DGKB: variants seen among roughly 807,000 people sequenced by gnomAD.
DGKB encodes 90 kDa diacylglycerol kinase.
A neutral mutation model predicts 114.3 loss-of-function variants in DGKB; 67 were observed. The ratio of observed to expected loss-of-function variants is 0.59; its 90% CI spans 0.48 to 0.72. DGKB has a LOEUF of 0.72. Among genes scored for constraint, DGKB ranks in the 30% least tolerant of loss-of-function variants. DGKB has a pLI of 0.00. For missense variants in DGKB, 907 were observed against 975.2 expected (o/e 0.93, Z 0.93); for synonymous variants, 398 against 323.1 (o/e 1.23, Z -2.49).
At chr7:14,711,557 A>T (rs963548049) in intron 6 of DGKB, among the ~76,000 whole-genome samples, 4 of 152,168 alleles carry the variant, frequency 2.6e-5, no homozygotes, top group Non-Finnish European at 5.9e-5. Flanking sequence ...GCAGAAATAA[A>T]ATATGAGAGG....
chr7:14,954,779 T>C (rs1223616568), intron 1 of DGKB, among the ~76,000 whole-genome samples: 1 of 152,106 alleles, frequency 6.6e-6, no homozygotes, highest in African/African-American at 2.4e-5. Flanking sequence ...AGATACCTAC[T>C]ATATAGCCAA....
At chr7:14,811,243 C>T (rs989655095) in intron 2 of DGKB, among the ~76,000 whole-genome samples, 2 of 152,080 alleles carry the variant, frequency 1.3e-5, no homozygotes, top group Non-Finnish European at 2.9e-5. Flanking sequence ...AGTCTTGCTA[C>T]GTCACCTAGG....
intron 23 of DGKB, among the ~76,000 whole-genome samples, chr7:14,201,258 C>G (rs2108203): frequency 0.31 from 47,561 of 150,990 alleles, 9,694 homozygotes; most frequent in African/African-American, 0.56. Flanking sequence ...TATGATGGCA[C>G]CACCCTCATA....
chr7:14,198,151 A>G (rs1160861340), intron 23 of DGKB, among the ~76,000 whole-genome samples: 1 of 152,150 alleles, frequency 6.6e-6, no homozygotes, highest in Non-Finnish European at 1.5e-5. Context: ...AGTTGTAAGT[A>G]AAAAGGATCT....
chr7:14,718,787 A>T, intron 5 of DGKB, 102 bp from the exon 6 acceptor site: 1 of 900,556 alleles, frequency 1.1e-6, no homozygotes, highest in African/African-American at 1.7e-5. Context: ...ATAGAAATTT[A>T]TATTTTTTAG....
intron 4 of DGKB, 75 bp downstream of exon 4, chr7:14,753,853 T>C (rs1723224): frequency 0.25 from 233,255 of 923,176 alleles, 39,374 homozygotes; most frequent in African/African-American, 0.7. Context: ...TTCAGTGATA[T>C]GGATGAGAAA....
At chr7:14,786,908 G>C (rs1227846442) in intron 2 of DGKB, among the ~76,000 whole-genome samples, 2 of 151,260 alleles carry the variant, frequency 1.3e-5, no homozygotes, top group Non-Finnish European at 2.9e-5. Context: ...CGGGGTGACT[G>C]CCTGTGGAGA....
At chr7:14,769,799 C>A (rs187261859) in intron 2 of DGKB, among the ~76,000 whole-genome samples, 11 of 152,156 alleles carry the variant, frequency 7.2e-5, no homozygotes, top group African/African-American at 2.6e-4. Context: ...CTTTGGCTTG[C>A]AAACTCATCC....
intron 20 of DGKB, among the ~76,000 whole-genome samples, chr7:14,504,944 AC>A (rs1435329689): frequency 1.3e-5 from 2 of 152,180 alleles, no homozygotes; most frequent in African/African-American, 4.8e-5. Context: ...GAACATGCTA[AC>A]ACTTTTCCAA....
At chr7:14,311,236 G>A (rs548497507) in intron 23 of DGKB, among the ~76,000 whole-genome samples, 1 of 152,270 alleles carries the variant, frequency 6.6e-6, no homozygotes, top group African/African-American at 2.4e-5. Flanking sequence ...AGTAAGTAGA[G>A]TTTTGGCTGG....
chr7:14,728,327 T>C (rs965113917), intron 5 of DGKB, among the ~76,000 whole-genome samples: 6 of 152,204 alleles, frequency 3.9e-5, no homozygotes, highest in African/African-American at 1.4e-4. Flanking sequence ...TAAAATCTCA[T>C]AATGGCTTTC....
chr7:14,605,995 C>T (rs1416749333), intron 17 of DGKB, among the ~76,000 whole-genome samples: 1 of 152,048 alleles, frequency 6.6e-6, no homozygotes, highest in Non-Finnish European at 1.5e-5. Context: ...AGCCAATTGA[C>T]CTCTTGTTTA....
intron 23 of DGKB, among the ~76,000 whole-genome samples, chr7:14,245,267 T>C (rs1467586247): frequency 6.6e-6 from 1 of 152,154 alleles, no homozygotes; most frequent in African/African-American, 2.4e-5. Flanking sequence ...TACTGAAAAG[T>C]GTACTAAAAT....
At chr7:14,644,070 C>A (rs1328370820) in intron 13 of DGKB, among the ~76,000 whole-genome samples, 1 of 151,568 alleles carries the variant, frequency 6.6e-6, no homozygotes, top group Admixed American at 6.6e-5. Context: ...ACAACTACAG[C>A]CTAAACTACT....
At chr7:14,661,604 G>T (rs923610272) in intron 13 of DGKB, among the ~76,000 whole-genome samples, 1 of 152,080 alleles carries the variant, frequency 6.6e-6, no homozygotes, top group African/African-American at 2.4e-5. Context: ...TACACTGCTG[G>T]TAGGACTGTA....
At chr7:14,603,754 T>G (rs1320464949) in intron 17 of DGKB, among the ~76,000 whole-genome samples, 1 of 152,124 alleles carries the variant, frequency 6.6e-6, no homozygotes, top group Non-Finnish European at 1.5e-5. Flanking sequence ...TTAATTATCC[T>G]GATCAATCTG....
chr7:14,188,495 CTA>C lies in DGKB; in HGVS notation c.2123-10346_2123-10345del, dbSNP rs1388173344. On this transcript the variant is annotated intron_variant, in intron 23 of 25. Coordinates refer to ENST00000402815, the MANE Select transcript of DGKB (RefSeq NM_001350709.2). ...CTAAAACGGTGAAACCCCGTCTCTA[CTA>C]AAAATACAAAAAATTAGCCGGGCGT... Among the ~76,000 whole-genome samples the C allele has an allele frequency of 7.9e-5, 11 of 138,980 alleles. 3 individuals carry two copies. The highest frequency in any genetic ancestry group is 2.3e-4 in the Admixed American group (3 of 12,790). 91.2% of individuals were successfully genotyped at this position (138,980 alleles called of 152,430 possible).
At chr7:14,863,084 T>C (rs1199381307) in intron 1 of DGKB, among the ~76,000 whole-genome samples, 4 of 151,272 alleles carry the variant, frequency 2.6e-5, no homozygotes, top group Non-Finnish European at 4.4e-5. Context: ...CTTGATATCA[T>C]TTTTAATAAT....
chr7:14,812,679 T>C (rs1369053446), intron 2 of DGKB, among the ~76,000 whole-genome samples: 2 of 152,190 alleles, frequency 1.3e-5, no homozygotes, highest in Non-Finnish European at 2.9e-5. Flanking sequence ...AGAATTTATC[T>C]TGTCAAATAT....
Sources: allele counts gnomAD v4.1 joint callset (sites outside exome capture counted in the v4.1 genomes callset), GRCh38; gene constraint gnomAD v4.1.1; transcripts MANE v1.5; gene names NCBI Gene and HGNC (gene_info 2026-07-23, HGNC 2026-07-21).